Variants in EFCAB13 observed in about 807,000 individuals in gnomAD.
EFCAB13 encodes the protein EF-hand calcium binding domain 13.
EFCAB13 carries 91 observed loss-of-function variants against 110.2 expected under a neutral mutation model. The ratio of observed to expected loss-of-function variants is 0.83; its 90% confidence interval spans 0.70 to 0.98. The LOEUF is 0.98. Ranked by LOEUF, EFCAB13 falls within the 50% of genes least tolerant of loss-of-function variation. The pLI is 0.00. For missense variants in EFCAB13, 968 were observed against 1,119.4 expected (o/e 0.86, Z 1.93); for synonymous variants, 323 against 369.9 (o/e 0.87, Z 1.45).
chr17:47,354,767 T>A (rs140080071), intron 9 of EFCAB13, among the ~76,000 whole-genome samples: 4 of 152,310 alleles, frequency 2.6e-5, no homozygotes, highest in Non-Finnish European at 5.9e-5. Context: ...AGTCCTTAAG[T>A]GTCAAGTGAG....
At chr17:47,411,026 C>T (rs776501980) in intron 21 of EFCAB13, among the ~76,000 whole-genome samples, 4 of 152,158 alleles carry the variant, frequency 2.6e-5, no homozygotes, top group Non-Finnish European at 5.9e-5. Context: ...TATGTCTCCT[C>T]TTTGCTTTCC....
At chr17:47,389,089 A>AGCTCTGTC (rs2065691837) in intron 14 of EFCAB13, among the ~76,000 whole-genome samples, 23 of 151,458 alleles carry the variant, frequency 1.5e-4, no homozygotes, top group Admixed American at 1.3e-3. Context: ...CTGGAGTGCA[A>AGCTCTGTC]TGGCTGAATC....
intron 11 of EFCAB13, among the ~76,000 whole-genome samples, chr17:47,371,568 A>T (rs925776018): frequency 6.6e-6 from 1 of 152,000 alleles, no homozygotes; most frequent in Admixed American, 6.6e-5. Context: ...AGTTGGGTGT[A>T]AATATGTGAC....
intron 4 of EFCAB13, among the ~76,000 whole-genome samples, chr17:47,333,037 G>C (rs1246866113): frequency 6.6e-6 from 1 of 152,128 alleles, no homozygotes; most frequent in Non-Finnish European, 1.5e-5. Flanking sequence ...ACAGTGTGCA[G>C]ATGTTCCCTT....
At chr17:47,360,249 A>T (rs1020691779) in intron 9 of EFCAB13, among the ~76,000 whole-genome samples, 2 of 152,180 alleles carry the variant, frequency 1.3e-5, no homozygotes, top group African/African-American at 4.8e-5. Context: ...CCAACAGTGT[A>T]AAAGTGTTCC....
At chr17:47,420,974 G>A (rs575828316) in intron 23 of EFCAB13, among the ~76,000 whole-genome samples, 100 of 146,964 alleles carry the variant, frequency 6.8e-4, no homozygotes, top group Middle Eastern at 4.0e-3. Flanking sequence ...CAGCCGCCCC[G>A]TCCGGGAGGG....
At position 47,424,874 on chromosome 17, in the gene EFCAB13, CTTTTTTTT is replaced by C. The variant is rs548271723; in HGVS notation, c.2495-4925_2495-4918del. ...AGGATTTCTTTCTCCGGTTGACAATCTTTTTTTTTTTTTTTTTTTTTTTTTTGAGACGG... is the reference window on the plus strand; with the variant it reads ...AGGATTTCTTTCTCCGGTTGACAATCTTTTTTTTTTTTTTTTTTGAGACGG... On this transcript the variant is annotated intron_variant, in intron 23 of 24. Coordinates refer to ENST00000331493, the MANE Select transcript of EFCAB13 (RefSeq NM_152347.5). Among the ~76,000 whole-genome samples the C allele has an allele frequency of 6.8e-3, 251 of 36,896 alleles. 7 individuals carry two copies. The highest frequency in any genetic ancestry group is 0.019 in the Middle Eastern group (1 of 54). The allele number at this position is 36,896 out of a possible 152,430, so 24.2% of individuals were successfully genotyped here.
At chr17:47,336,018 G>A (rs12051795) in intron 5 of EFCAB13, among the ~76,000 whole-genome samples, 6,194 of 152,248 alleles carry the variant, frequency 0.041, 291 homozygotes, top group East Asian at 0.24. Context: ...GAGGAGAACA[G>A]TTATCCATAT....
intron 3 of EFCAB13, 33 bp from the exon 4 acceptor site, chr17:47,328,236 G>A (rs756925118): frequency 1.1e-6 from 1 of 887,178 alleles, no homozygotes; most frequent in Non-Finnish European, 1.9e-6. Context: ...TTCTAAACAA[G>A]CGTATGATTT....
At chr17:47,415,734 G>T (rs531167021) in intron 23 of EFCAB13, among the ~76,000 whole-genome samples, 1 of 152,122 alleles carries the variant, frequency 6.6e-6, no homozygotes, top group African/African-American at 2.4e-5. Flanking sequence ...ATCTATTTCA[G>T]TTATAGAAAT....
At chr17:47,390,914 G>GTCTGTCTGTCTA (rs150041083) in intron 14 of EFCAB13, among the ~76,000 whole-genome samples, 1 of 150,150 alleles carries the variant, frequency 6.7e-6, no homozygotes, top group African/African-American at 2.5e-5. Context: ...GTGTCTGTCT[G>GTCTGTCTGTCTA]TCTATCTATC....
chr17:47,343,703 T>C (rs1227008571), intron 6 of EFCAB13, among the ~76,000 whole-genome samples: 1 of 152,150 alleles, frequency 6.6e-6, no homozygotes, highest in East Asian at 1.9e-4. Flanking sequence ...ATCATGTTTA[T>C]ACATGCAATC....
intron 11 of EFCAB13, among the ~76,000 whole-genome samples, chr17:47,373,239 C>T (rs1317830024): frequency 6.6e-6 from 1 of 152,108 alleles, no homozygotes; most frequent in Non-Finnish European, 1.5e-5. Flanking sequence ...TCTTTCATTA[C>T]ACTTTTCAGC....
At chr17:47,406,747 C>T (rs2065807578) in intron 20 of EFCAB13, among the ~76,000 whole-genome samples, 1 of 152,122 alleles carries the variant, frequency 6.6e-6, no homozygotes, top group Non-Finnish European at 1.5e-5. Context: ...CCATATTTGA[C>T]ATTTGGACTC....
At chr17:47,341,841 T>C in intron 5 of EFCAB13, 80 bp from the exon 6 acceptor site, 1 of 815,914 alleles carries the variant, frequency 1.2e-6, no homozygotes, top group Middle Eastern at 3.4e-4. Context: ...TTGTATATGT[T>C]AGAAAATTTC....
intron 9 of EFCAB13, among the ~76,000 whole-genome samples, chr17:47,355,717 C>T (rs768986347): frequency 7.3e-5 from 11 of 151,664 alleles, no homozygotes; most frequent in African/African-American, 1.9e-4. Flanking sequence ...GGACTACAGT[C>T]GCGCGCCACC....
At chr17:47,400,825 G>C (rs1046527525) in intron 17 of EFCAB13, among the ~76,000 whole-genome samples, 1 of 152,196 alleles carries the variant, frequency 6.6e-6, no homozygotes, top group Non-Finnish European at 1.5e-5. Context: ...CCTACTTTAA[G>C]CTGAGCTTTA....
chr17:47,397,664 G>T (rs544332312), intron 17 of EFCAB13, among the ~76,000 whole-genome samples: 2 of 146,774 alleles, frequency 1.4e-5, no homozygotes, highest in African/African-American at 5.1e-5. Context: ...CTACCCCGCC[G>T]CCCCGCCTGG....
chr17:47,439,171 G>GTT (rs71141908), intron 24 of EFCAB13, among the ~76,000 whole-genome samples: 4,227 of 73,674 alleles, frequency 0.057, 427 homozygotes, highest in Non-Finnish European at 0.069. Flanking sequence ...TCTTTGTTTT[G>GTT]TTTTTTTTTT....
Sources: allele counts gnomAD v4.1 joint callset (sites outside exome capture counted in the v4.1 genomes callset), GRCh38; gene constraint gnomAD v4.1.1; transcripts MANE v1.5; gene names NCBI Gene and HGNC (gene_info 2026-07-23, HGNC 2026-07-21).